The following HADHA variants were observed in gnomAD, a reference collection of about 807,000 sequenced individuals.
HADHA encodes trifunctional enzyme subunit alpha, mitochondrial.
In HADHA, 59 loss-of-function variants were observed where a neutral mutation model predicts 91.3. The observed-to-expected ratio is 0.65, with a 90% confidence interval of 0.52 to 0.80. The LOEUF is 0.80. Ranked by LOEUF, HADHA falls within the 30% of genes least tolerant of loss-of-function variation. HADHA has a pLI of 0.00. For missense variants in HADHA, 800 were observed against 927.6 expected (o/e 0.86, Z 1.79); for synonymous variants, 320 against 338.9 (o/e 0.94, Z 0.61).
intron 13 of HADHA, among the ~76,000 whole-genome samples, chr2:26,198,255 C>A (rs1669732936): frequency 6.6e-6 from 1 of 152,138 alleles, no homozygotes; most frequent in Admixed American, 6.5e-5. Flanking sequence ...CGGCATACCA[C>A]TATAGTTGCA....
At chr2:26,200,496 C>T (rs901489177) in intron 13 of HADHA, among the ~76,000 whole-genome samples, 2 of 152,160 alleles carry the variant, frequency 1.3e-5, no homozygotes, top group African/African-American at 4.8e-5. Flanking sequence ...AACTGTCTTC[C>T]CTATTTCCTT....
chr2:26,215,706 C>G (rs146126230), intron 7 of HADHA, among the ~76,000 whole-genome samples: 1 of 152,096 alleles, frequency 6.6e-6, no homozygotes, highest in Non-Finnish European at 1.5e-5. Flanking sequence ...GTGAAACCAT[C>G]AGAGTTTTTG....
intron 4 of HADHA, among the ~76,000 whole-genome samples, chr2:26,236,650 T>A (rs1026502375): frequency 1.3e-5 from 2 of 151,938 alleles, no homozygotes; most frequent in African/African-American, 4.8e-5. Context: ...CTTGGCCTCA[T>A]GTGATCCACC....
intron 7 of HADHA, among the ~76,000 whole-genome samples, chr2:26,222,556 A>G (rs1199331055): frequency 2.0e-5 from 3 of 151,998 alleles, no homozygotes; most frequent in Non-Finnish European, 4.4e-5. Flanking sequence ...TTCCGCAGTC[A>G]CTCTTATCAC....
At chr2:26,237,113 G>C in intron 3 of HADHA, 125 bp from the exon 4 acceptor site, 2 of 797,006 alleles carry the variant, frequency 2.5e-6, no homozygotes, top group Non-Finnish European at 4.4e-6. Flanking sequence ...TGTTAGAAGA[G>C]AGTAAGAAAT....
At chr2:26,195,595 T>TA (rs1669645491) in intron 14 of HADHA, among the ~76,000 whole-genome samples, 1 of 50,660 alleles carries the variant, frequency 2.0e-5, no homozygotes, top group Non-Finnish European at 4.3e-5. Flanking sequence ...CCAGTTTTTT[T>TA]GGGCGGGGGT....
rs1017957295 is a variant in HADHA, at chr2:26,229,882, A to G, written c.676+310T>C. ...GGCTCTGTTGCCCAGGCTGGAGCAC[A>G]ATGGCATGATCTTGGCTCACTGCAA... On this transcript the variant is annotated intron_variant, in intron 7 of 19. Transcript: ENST00000380649. The surrounding 1 kb of genome is among the most constrained non-coding windows in gnomAD (Gnocchi z 4.3). 1.3e-5 allele frequency among the ~76,000 whole-genome samples: 2 copies of G among 152,184 alleles called. No individual in the cohort carries two copies. Among genetic ancestry groups the G allele is most frequent in the Admixed American group, 6.5e-5 (1 of 15,274 alleles).
chr2:26,193,917 T>C, intron 16 of HADHA, 145 bp from the exon 17 acceptor site: 2 of 669,274 alleles, frequency 3.0e-6, no homozygotes, highest in Non-Finnish European at 5.3e-6. Context: ...TGCTATTTCA[T>C]TCAGGGAAGC....
At chr2:26,200,390 T>C (rs1255658005) in intron 13 of HADHA, among the ~76,000 whole-genome samples, 1 of 152,204 alleles carries the variant, frequency 6.6e-6, no homozygotes, top group Non-Finnish European at 1.5e-5. Context: ...CTTCAAGTAC[T>C]TGTTTTGTTC....
At chr2:26,205,557 C>T (rs963753709) in intron 11 of HADHA, among the ~76,000 whole-genome samples, 1 of 152,212 alleles carries the variant, frequency 6.6e-6, no homozygotes, top group Non-Finnish European at 1.5e-5. Flanking sequence ...CAGTGGCTTA[C>T]GCCTGTAATC....
At chr2:26,209,696 T>C (rs1487600264) in intron 11 of HADHA, 84 bp downstream of exon 11, 1 of 799,590 alleles carries the variant, frequency 1.3e-6, no homozygotes, top group Admixed American at 1.7e-5. Flanking sequence ...AAGATACAGA[T>C]CTAGCTCTGT....
At chr2:26,191,965 C>T (rs1669519579) in intron 18 of HADHA, among the ~76,000 whole-genome samples, 1 of 152,194 alleles carries the variant, frequency 6.6e-6, no homozygotes, top group Non-Finnish European at 1.5e-5. Flanking sequence ...GTCCTTCCAG[C>T]GGCTCTCTGG....
intron 1 of HADHA, among the ~76,000 whole-genome samples, chr2:26,240,094 G>A (rs899936055): frequency 2.6e-5 from 4 of 151,968 alleles, no homozygotes; most frequent in South Asian, 2.1e-4. Flanking sequence ...CCTCATCTTC[G>A]GATTCTGTCT....
At chr2:26,197,639 G>C (rs1176345281) in intron 14 of HADHA, 52 bp downstream of exon 14, 2 of 859,060 alleles carry the variant, frequency 2.3e-6, no homozygotes, top group Admixed American at 1.7e-5. Flanking sequence ...GCCTTTATCA[G>C]TGAATCTGAA....
At chr2:26,202,034 C>G (rs529657616) in intron 12 of HADHA, among the ~76,000 whole-genome samples, 31 of 151,388 alleles carry the variant, frequency 2.0e-4, no homozygotes, top group Admixed American at 3.9e-4. Flanking sequence ...CTCCTGACCT[C>G]GTGTTCCATC....
rs1670075883 is a variant in HADHA, at chr2:26,210,543, A to G, written c.976-654T>C. 6.5e-6 allele frequency: 1 copy of G among 153,280 alleles called. No homozygotes were observed. Among genetic ancestry groups the G allele is most frequent in the African/African-American group, 2.4e-5 (1 of 41,398 alleles). The allele number at this position is 153,280 out of a possible 1,614,324, so 9.5% of individuals were successfully genotyped here. ...GTATCTGTAGTAGAGATGGGGTTTC[A>G]CCGTGTTAGCCAGGATGGTCTCGAT... is the stretch of plus-strand genomic sequence containing the variant. On this transcript the variant is annotated intron_variant, in intron 10 of 19. Transcript: ENST00000380649. This position sits in a 1 kb window ranked among gnomAD's most constrained non-coding sequence, Gnocchi z 4.0.
chr2:26,204,877 C>T (rs1054499832), intron 11 of HADHA, among the ~76,000 whole-genome samples: 2 of 149,878 alleles, frequency 1.3e-5, no homozygotes, highest in Non-Finnish European at 2.9e-5. Flanking sequence ...TGTGAGCCAT[C>T]GTGTAATCTT....
At chr2:26,196,892 G>C (rs1482194291) in intron 14 of HADHA, among the ~76,000 whole-genome samples, 1 of 152,158 alleles carries the variant, frequency 6.6e-6, no homozygotes, top group Non-Finnish European at 1.5e-5. Context: ...ATGACCTTTA[G>C]CCTGCCATCA....
intron 7 of HADHA, 128 bp downstream of exon 7, chr2:26,230,064 C>T (rs932134728): frequency 1.6e-5 from 11 of 679,354 alleles, no homozygotes; most frequent in Non-Finnish European, 2.7e-5. Context: ...CTCAAGTGAT[C>T]TTCCCGCCTC....
Sources: allele counts gnomAD v4.1 joint callset (sites outside exome capture counted in the v4.1 genomes callset), GRCh38; gene constraint gnomAD v4.1.1; non-coding constraint Gnocchi (gnomAD v3.1); transcripts MANE v1.5; gene names NCBI Gene and HGNC (gene_info 2026-07-23, HGNC 2026-07-21).